Variants in RBM19 observed in about 807,000 individuals in gnomAD.
RBM19 encodes the protein RNA binding motif protein 19.
In RBM19, 94 loss-of-function variants were observed where a neutral mutation model predicts 116.8. The observed-to-expected ratio is 0.80, with a 90% confidence interval of 0.68 to 0.95. RBM19 has a LOEUF of 0.95. Ranked by LOEUF, RBM19 falls within the 40% of genes least tolerant of loss-of-function variation. The pLI, the probability that RBM19 is intolerant of heterozygous loss-of-function variation, is 0.00. For synonymous variants in RBM19, 475 were observed against 494.1 expected (o/e 0.96, Z 0.51); for missense variants, 1,161 against 1,220.7 (o/e 0.95, Z 0.73).
intron 10 of RBM19, among the ~76,000 whole-genome samples, chr12:113,948,629 T>A (rs1435045036): frequency 6.6e-6 from 1 of 152,220 alleles, no homozygotes; most frequent in Non-Finnish European, 1.5e-5. Flanking sequence ...ACCTTTTACT[T>A]CCTGCCCTGC....
intron 21 of RBM19, among the ~76,000 whole-genome samples, chr12:113,883,108 A>G (rs60477966): frequency 0.067 from 10,157 of 152,272 alleles, 663 homozygotes; most frequent in East Asian, 0.34. Context: ...CGAGGGAGAA[A>G]AAACAGAGAG....
intron 21 of RBM19, among the ~76,000 whole-genome samples, chr12:113,862,831 C>G (rs189452544): frequency 3.9e-5 from 6 of 152,144 alleles, no homozygotes; most frequent in African/African-American, 1.4e-4. Flanking sequence ...GAGGACATAC[C>G]GGGCTTTTAA....
intron 21 of RBM19, among the ~76,000 whole-genome samples, chr12:113,900,692 G>A (rs905374462): frequency 2.0e-5 from 3 of 152,188 alleles, no homozygotes; most frequent in Admixed American, 6.5e-5. Context: ...TGATGAAGGA[G>A]GAGGAAGGAC....
At chr12:113,937,353 GC>G (rs1348334128) in intron 15 of RBM19, 1 of 422,372 alleles carries the variant, frequency 2.4e-6, no homozygotes, top group African/African-American at 2.1e-5. Flanking sequence ...CAGGAGAGAG[GC>G]TTTAGTCTCT....
chr12:113,894,253 C>T (rs941057066), intron 21 of RBM19, among the ~76,000 whole-genome samples: 2 of 152,190 alleles, frequency 1.3e-5, no homozygotes, highest in Admixed American at 6.5e-5. Flanking sequence ...GCATCCTGTT[C>T]CACAACAGGG....
At chr12:113,847,102 C>T (rs987129994) in intron 22 of RBM19, among the ~76,000 whole-genome samples, 3 of 152,164 alleles carry the variant, frequency 2.0e-5, no homozygotes, top group Non-Finnish European at 2.9e-5. Flanking sequence ...AATCAACTGC[C>T]ACATCTTGAG....
At chr12:113,909,677 C>T (rs997367559) in intron 21 of RBM19, among the ~76,000 whole-genome samples, 9 of 152,184 alleles carry the variant, frequency 5.9e-5, no homozygotes, top group Non-Finnish European at 1.2e-4. Flanking sequence ...GAAAGTGAGC[C>T]GGGGGACTCT....
chr12:113,831,815 G>A (rs1372518390), intron 23 of RBM19, among the ~76,000 whole-genome samples: 1 of 152,208 alleles, frequency 6.6e-6, no homozygotes, highest in Non-Finnish European at 1.5e-5. Flanking sequence ...ACCGCCCAGC[G>A]AGGCTCAGGC....
intron 21 of RBM19, among the ~76,000 whole-genome samples, chr12:113,871,803 A>C (rs936631914): frequency 1.8e-4 from 28 of 152,144 alleles, no homozygotes; most frequent in African/African-American, 5.1e-4. Context: ...ACTGTGTCTC[A>C]GTCTTTGCCG....
chr12:113,862,732 G>C (rs753117720), intron 21 of RBM19, among the ~76,000 whole-genome samples: 4 of 152,064 alleles, frequency 2.6e-5, no homozygotes, highest in Non-Finnish European at 5.9e-5. Flanking sequence ...TCTGCCGCTC[G>C]GGGGGAAGGA....
intron 21 of RBM19, among the ~76,000 whole-genome samples, chr12:113,906,736 A>G (rs1338637867): frequency 6.6e-6 from 1 of 151,824 alleles, no homozygotes; most frequent in African/African-American, 2.4e-5. Flanking sequence ...TGCTTGGAGG[A>G]GCCTTACCTA....
chr12:113,844,545 G>A (rs911739584), intron 23 of RBM19, 123 bp downstream of exon 23: 14 of 1,314,196 alleles, frequency 1.1e-5, no homozygotes, highest in Admixed American at 8.7e-5. Context: ...CCAGCAGGAG[G>A]TGCTTGGCAG....
chr12:113,840,517 C>T (rs369789665), intron 23 of RBM19, among the ~76,000 whole-genome samples: 1 of 152,240 alleles, frequency 6.6e-6, no homozygotes, highest in South Asian at 2.1e-4. Flanking sequence ...CTGTCTGGTC[C>T]CTCCACATCC....
At chr12:113,846,655 A>G (rs544568185) in intron 22 of RBM19, among the ~76,000 whole-genome samples, 5 of 152,132 alleles carry the variant, frequency 3.3e-5, no homozygotes, top group Non-Finnish European at 7.3e-5. Context: ...GAAGGAACCA[A>G]TCCTGCCAGC....
intron 21 of RBM19, among the ~76,000 whole-genome samples, chr12:113,874,217 G>A (rs773838892): frequency 6.6e-6 from 1 of 152,232 alleles, no homozygotes; most frequent in Non-Finnish European, 1.5e-5. Context: ...ACCCAGAACA[G>A]TTCCAACAGC....
At position 113,966,272 on chromosome 12, in the gene RBM19, G is replaced by C; in HGVS notation, c.-45C>G. Reference sequence around the variant, plus strand: ...TTTGATTCCAACACGACTGGTCAGCGTCTTCCACCAAGTTTCACGCTACCG... The same window carrying C: ...TTTGATTCCAACACGACTGGTCAGCCTCTTCCACCAAGTTTCACGCTACCG... On this transcript the variant is annotated 5_prime_UTR_variant, in exon 1 of 24. Transcript: ENST00000261741. 6.2e-7 allele frequency: 1 copy of C among 1,612,604 alleles called. No homozygotes were observed. The highest frequency in any genetic ancestry group is 1.1e-5 in the South Asian group (1 of 91,062).
At chr12:113,818,745 C>A (rs531188408), downstream of RBM19, among the ~76,000 whole-genome samples, 3 of 152,206 alleles carry the variant, frequency 2.0e-5, no homozygotes, top group Non-Finnish European at 4.4e-5. Flanking sequence ...GAGATTCTAA[C>A]GCAGGCCTTT....
chr12:113,846,048 G>A (rs1397549731), intron 22 of RBM19, among the ~76,000 whole-genome samples: 4 of 152,182 alleles, frequency 2.6e-5, no homozygotes, highest in Non-Finnish European at 5.9e-5. Flanking sequence ...GCTACTTCTC[G>A]TTGCTGTTGT....
chr12:113,942,156 C>T (rs2135910104), intron 14 of RBM19, among the ~76,000 whole-genome samples, 168 bp downstream of exon 14: 1 of 152,268 alleles, frequency 6.6e-6, no homozygotes, highest in South Asian at 2.1e-4. Context: ...TCAGATAGGC[C>T]ACTTGTCTCA....
Sources: allele counts gnomAD v4.1 joint callset (sites outside exome capture counted in the v4.1 genomes callset), GRCh38; gene constraint gnomAD v4.1.1; transcripts MANE v1.5; gene names NCBI Gene and HGNC (gene_info 2026-07-23, HGNC 2026-07-21).